ZNF432: variants seen among roughly 807,000 people sequenced by gnomAD.
ZNF432 encodes zinc finger protein 432.
In ZNF432, 10 loss-of-function variants were observed where a neutral mutation model predicts 13.9. The observed-to-expected ratio is 0.72, with a 90% CI of 0.44 to 1.22. The LOEUF (loss-of-function observed/expected upper bound fraction) is 1.22. Ranked by LOEUF, ZNF432 falls within the 50% of genes most tolerant of loss-of-function variation. The pLI is 0.00. For synonymous variants in ZNF432, 247 were observed against 256.2 expected (o/e 0.96, Z 0.34); for missense variants, 793 against 796.2 (o/e 1.00, Z 0.05).
intron 2 of ZNF432, among the ~76,000 whole-genome samples, chr19:52,042,378 A>C (rs1034937808): frequency 6.6e-6 from 1 of 151,980 alleles, no homozygotes; most frequent in African/African-American, 2.4e-5. Context: ...GTGAAATCCT[A>C]TCTCTACCAA....
intron 2 of ZNF432, among the ~76,000 whole-genome samples, chr19:52,044,158 G>T (rs986481721): frequency 6.6e-6 from 1 of 152,006 alleles, no homozygotes; most frequent in African/African-American, 2.4e-5. Context: ...ACAGAGAAAA[G>T]AACAGACTTG....
chr19:52,033,740 GA>G lies in ZNF432; in HGVS notation c.1938del (p.His647IlefsTer31). 6.3e-7 allele frequency: 1 copy of G among 1,591,684 alleles called. No individual in the cohort carries two copies. The highest frequency in any genetic ancestry group is 1.4e-5 in the African/African-American group (1 of 73,944). On this transcript the variant is annotated frameshift_variant, in exon 5 of 5. Transcript: ENST00000221315. LOFTEE classifies it high-confidence loss of function. ...SKRNLIVHQR[T>X]HNGNKP The stretch of plus-strand genomic sequence containing the variant: ...CATTGTCAGGGTTTGTTTCCATTAT[GA>G]GTTCGCTGATGTACAATGAGATTTC...
At chr19:52,045,418 A>G (rs7255708) in intron 2 of ZNF432, among the ~76,000 whole-genome samples, 36,453 of 140,102 alleles carry the variant, frequency 0.26, 7,361 homozygotes, top group African/African-American at 0.57. Flanking sequence ...GTGCAATGGC[A>G]TGATCTCGGC....
At chr19:52,042,965 C>T (rs1055740818) in intron 2 of ZNF432, among the ~76,000 whole-genome samples, 1 of 152,170 alleles carries the variant, frequency 6.6e-6, no homozygotes, top group East Asian at 1.9e-4. Context: ...CTTCAATGTC[C>T]TGATTCTGTG....
intron 1 of ZNF432, among the ~76,000 whole-genome samples, chr19:52,047,519 A>C (rs1361006605): frequency 1.3e-5 from 2 of 152,096 alleles, no homozygotes; most frequent in Admixed American, 1.3e-4. Flanking sequence ...TCTACTAAAA[A>C]TAGAAAAAAT....
At position 52,035,150 on chromosome 19, in the gene ZNF432, C is replaced by A; in HGVS notation, c.529G>T (p.Ala177Ser). The change falls in exon 5 of 5, where the codon GCT becomes TCT. Residue 177 changes from alanine to serine, a missense_variant. Physicochemically the swap from Ala to Ser is moderately conservative, Grantham distance 99. Transcript: ENST00000221315. ...HGNYEELYSA[A>S]KFSVSTKANS... Reference sequence around the variant, plus strand: ...GCTTTTGTACTTACAGAGAATTTAGCTGCAGAATAAAGTTCTTCATAGTTA... The same window carrying A: ...GCTTTTGTACTTACAGAGAATTTAGATGCAGAATAAAGTTCTTCATAGTTA... 1 of 1,614,024 alleles carries A rather than the reference C, an allele frequency of 6.2e-7. No individual in the cohort carries two copies. Among genetic ancestry groups the A allele is most frequent in the Non-Finnish European group, 8.5e-7 (1 of 1,180,002 alleles).
intron 4 of ZNF432, 110 bp downstream of exon 4, chr19:52,040,378 A>G: frequency 1.0e-6 from 1 of 957,040 alleles, no homozygotes; most frequent in Non-Finnish European, 1.7e-6. Context: ...TGTGGAGGGA[A>G]AACGATTCCC....
At chr19:52,048,161 A>ACACACACACACACACACACACACACG (rs2087207143) in intron 1 of ZNF432, among the ~76,000 whole-genome samples, 1 of 150,764 alleles carries the variant, frequency 6.6e-6, no homozygotes, top group Non-Finnish European at 1.5e-5. Context: ...ACACACACAC[A>ACACACACACACACACACACACACACG]CACACACACA....
chr19:52,038,062 A>G (rs1044574722), intron 4 of ZNF432, among the ~76,000 whole-genome samples: 7 of 152,228 alleles, frequency 4.6e-5, no homozygotes, highest in African/African-American at 1.7e-4. Flanking sequence ...TTTTATGAAA[A>G]GACAAAAATA....
intron 2 of ZNF432, among the ~76,000 whole-genome samples, chr19:52,045,246 A>AGCG (rs1434458481): frequency 6.6e-6 from 1 of 152,138 alleles, no homozygotes; most frequent in East Asian, 1.9e-4. Context: ...ACAGAGATGC[A>AGCG]CACATTTCAG....
chr19:52,033,647 C>G lies in ZNF432; in HGVS notation c.*73G>C. ...CATACTCAGTACACATGTAGAAAAT[C>G]TATACTGTGAAATCTCTGATGTTGT... is the stretch of plus-strand genomic sequence containing the variant. On this transcript the variant is annotated 3_prime_UTR_variant, in exon 5 of 5. Coordinates refer to ENST00000221315, the MANE Select transcript of ZNF432 (RefSeq NM_014650.4). 6.7e-7 allele frequency: 1 copy of G among 1,482,936 alleles called. No homozygotes were observed. Among genetic ancestry groups the G allele is most frequent in the Non-Finnish European group, 9.0e-7 (1 of 1,106,620 alleles). 91.9% of individuals were successfully genotyped at this position (1,482,936 alleles called of 1,614,324 possible).
intron 2 of ZNF432, among the ~76,000 whole-genome samples, chr19:52,044,655 C>G (rs1044030377): frequency 2.6e-5 from 4 of 151,682 alleles, no homozygotes; most frequent in Non-Finnish European, 1.5e-5. Context: ...GAGGAAAATG[C>G]AAAATAAGAC....
chr19:52,036,110 G>C (rs1198306154), intron 4 of ZNF432, among the ~76,000 whole-genome samples: 1 of 152,170 alleles, frequency 6.6e-6, no homozygotes, highest in Non-Finnish European at 1.5e-5. Flanking sequence ...AATTTTGGGA[G>C]ACACCAGACC....
At chr19:52,043,754 T>C (rs1236835223) in intron 2 of ZNF432, among the ~76,000 whole-genome samples, 1 of 152,258 alleles carries the variant, frequency 6.6e-6, no homozygotes, top group Non-Finnish European at 1.5e-5. Context: ...TACTGCTTTG[T>C]AAAGCACTGA....
chr19:52,037,512 C>G (rs1335861063), intron 4 of ZNF432, among the ~76,000 whole-genome samples: 1 of 152,098 alleles, frequency 6.6e-6, no homozygotes, highest in African/African-American at 2.4e-5. Flanking sequence ...AAAGTCGTAT[C>G]AAGGCCAGGC....
chr19:52,034,217 T>G lies in ZNF432; in HGVS notation c.1462A>C (p.Ser488Arg). ...ACAATGAAACCTTTCCCACATTCAC[T>G]GCACCTGTAAGGTTTCTCTCCAGTA... is the stretch of plus-strand genomic sequence containing the variant. ...THTGEKPYRC[S>R]ECGKGFIVNS... Residue 488 changes from serine (S) to arginine (R), a missense_variant, in exon 5 of 5, where the codon AGT (serine) becomes CGT (arginine). Transcript: ENST00000221315. 6.2e-7 allele frequency: 1 copy of G among 1,614,210 alleles called. No individual in the cohort carries two copies. The highest frequency in any genetic ancestry group is 8.5e-7 in the Non-Finnish European group (1 of 1,180,006).
intron 2 of ZNF432, among the ~76,000 whole-genome samples, chr19:52,044,308 C>T (rs1209934847): frequency 6.6e-6 from 1 of 151,852 alleles, no homozygotes; most frequent in Non-Finnish European, 1.5e-5. Flanking sequence ...GTTTAAAGTC[C>T]TTACCAGAAA....
In ZNF432 at chr19:52,035,331, T is replaced by C. The variant is rs770164463; in HGVS notation, c.348A>G (p.Gln116=). ...CCCTGAAAAGACAAAGGCTTTTGGT[T>C]TGAGAGGCAGTATTTCCAAATGCAT... The part of the protein sequence containing the change: ...EHNAFGNTAS[Q]TKSLCLFREN... The change falls in exon 5 of 5, where the codon CAA becomes CAG. Residue 116 remains glutamine, a synonymous_variant. Transcript: ENST00000221315. The C allele has an allele frequency of 2.5e-6, 4 of 1,612,622 alleles. No homozygotes were observed. The highest frequency in any genetic ancestry group is 1.3e-5 in the African/African-American group (1 of 74,814).
rs1163330935 is a variant in ZNF432 at position 52,040,557 on chromosome 19, G to C, written c.169C>G (p.Leu57Val). 3.1e-6 allele frequency: 5 copies of C among 1,614,098 alleles called. No homozygotes were observed. The highest frequency in any genetic ancestry group is 4.2e-6 in the Non-Finnish European group (5 of 1,179,988). The change falls in exon 4 of 5, where the codon CTC (leucine) becomes GTC (valine). Residue 57 changes from leucine (L) to valine (V), a missense_variant. Coordinates refer to ENST00000221315, the MANE Select transcript of ZNF432 (RefSeq NM_014650.4). ...MGYQVSKPDA[L>V]SKLERGEEPW... The stretch of plus-strand genomic sequence containing the variant: ...TCTTCTCCTCGTTCCAACTTGGAGA[G>C]TGCATCTGGTTTGCTGACTTGATAA...
Sources: gnomAD v4.1 joint callset for allele counts (sites outside exome capture counted in the v4.1 genomes callset) on GRCh38, gnomAD v4.1.1 for gene constraint, MANE v1.5 for transcripts, NCBI Gene and HGNC (gene_info 2026-07-23, HGNC 2026-07-21) for gene names.